The following PCDHA6 variants were observed in gnomAD, a reference collection of about 807,000 sequenced individuals.
The protein encoded by PCDHA6 is protocadherin alpha 6, also known as protocadherin alpha-6.
In PCDHA6, 55 loss-of-function variants were observed where a neutral mutation model predicts 60.3. The ratio of observed to expected loss-of-function variants is 0.91; its 90% CI spans 0.73 to 1.14. The LOEUF is 1.14. Among genes scored for constraint, PCDHA6 ranks in the 50% most tolerant of loss-of-function variants. PCDHA6 has a pLI of 0.00. For missense variants in PCDHA6, 1,327 were observed against 1,256.5 expected, an observed-to-expected ratio of 1.06 and a Z score of -0.85; for synonymous variants, 652 against 557.9, an observed-to-expected ratio of 1.17 and a Z score of -2.38.
intron 1 of PCDHA6, among the ~76,000 whole-genome samples, chr5:140,873,200 T>C (rs1462660228): frequency 6.6e-6 from 1 of 152,228 alleles, no homozygotes; most frequent in Non-Finnish European, 1.5e-5. Context: ...GCTAAAAACA[T>C]TCTTTAAGTA....
intron 1 of PCDHA6, chr5:140,871,648 T>G: frequency 7.8e-7 from 1 of 1,275,766 alleles, no homozygotes. Context: ...AAATACCAAA[T>G]GATACACATC....
chr5:140,852,577 T>G, intron 1 of PCDHA6: 3 of 825,200 alleles, frequency 3.6e-6, no homozygotes, highest in Non-Finnish European at 3.0e-6. Flanking sequence ...TGCCAAGGCT[T>G]TTTTATTTTT....
At chr5:140,842,868 A>T in intron 1 of PCDHA6, 1 of 1,593,968 alleles carries the variant, frequency 6.3e-7, no homozygotes, top group Non-Finnish European at 8.6e-7. Flanking sequence ...GAGAGCGGCA[A>T]GGTGTACGCG....
intron 3 of PCDHA6, among the ~76,000 whole-genome samples, chr5:141,002,329 A>C (rs2098072323): frequency 6.6e-6 from 1 of 152,226 alleles, no homozygotes; most frequent in Non-Finnish European, 1.5e-5. Context: ...GCCGGGCTGC[A>C]TCCGCACCCC....
At chr5:141,006,007 T>C (rs1554260471) in intron 3 of PCDHA6, among the ~76,000 whole-genome samples, 1 of 151,298 alleles carries the variant, frequency 6.6e-6, no homozygotes, top group African/African-American at 2.4e-5. Flanking sequence ...AGAAGGCCTG[T>C]ATGGTTGGAG....
Position 140,829,851 on chromosome 5 carries a change from C to T in PCDHA6, c.1760C>T (p.Ala587Val), listed in dbSNP as rs2150176180. The T allele has an allele frequency of 1.2e-6, 2 of 1,613,942 alleles. No homozygotes were observed. The highest frequency in any genetic ancestry group is 1.7e-6 in the Non-Finnish European group (2 of 1,179,892). ...GAGCTGGTGCCGCGGTCACTGGGTG[C>T]AGGCCAAGTGGTGGCGAAGGTGCGC... ...VSELVPRSLG[A>V]GQVVAKVRAV... The change falls in exon 1 of 4, where the codon GCA (alanine) becomes GTA (valine). Residue 587 changes from alanine (A) to valine (V), a missense_variant. Ala to Val is a moderately conservative substitution (Grantham distance 64). Transcript: ENST00000529310.
chr5:140,875,724 G>T, intron 1 of PCDHA6: 1 of 1,614,244 alleles, frequency 6.2e-7, no homozygotes, highest in Non-Finnish European at 8.5e-7. Flanking sequence ...ATGGCATTTT[G>T]TTTGTGAATT....
chr5:140,828,995 A>G lies in PCDHA6; in HGVS notation c.904A>G (p.Ile302Val), dbSNP rs2150161730. ...TAGCATAGATCGAAATACGGGAGAA[A>G]TAGTGATTCGGGGTAATTTGGATTT... is the stretch of plus-strand genomic sequence containing the variant. ...HFSIDRNTGE[I>V]VIRGNLDFEQ... is the part of the protein sequence containing the mutation. The change falls in exon 1 of 4, where the codon ATA (isoleucine) becomes GTA (valine). Residue 302 changes from isoleucine to valine, a missense_variant. Coordinates refer to ENST00000529310, the MANE Select transcript of PCDHA6 (RefSeq NM_018909.4). The G allele has an allele frequency of 1.2e-6, 2 of 1,614,068 alleles. No individual in the cohort carries two copies. The highest frequency in any genetic ancestry group is 1.7e-6 in the Non-Finnish European group (2 of 1,179,918).
chr5:140,884,198 C>G, intron 1 of PCDHA6: 1 of 1,613,442 alleles, frequency 6.2e-7, no homozygotes, highest in Non-Finnish European at 8.5e-7. Flanking sequence ...GGACGCGCCG[C>G]ACCACCGCCT....
chr5:140,919,821 T>C (rs944662452), intron 1 of PCDHA6, among the ~76,000 whole-genome samples: 1 of 152,230 alleles, frequency 6.6e-6, no homozygotes, highest in Non-Finnish European at 1.5e-5. Flanking sequence ...CAAAAATATA[T>C]GTCCACATAG....
intron 3 of PCDHA6, among the ~76,000 whole-genome samples, chr5:140,992,803 G>A (rs2097529196): frequency 6.6e-6 from 1 of 152,146 alleles, no homozygotes; most frequent in African/African-American, 2.4e-5. Context: ...GGATCCATAT[G>A]TATCTAAGGA....
chr5:140,851,692 A>T, intron 1 of PCDHA6: 1 of 939,600 alleles, frequency 1.1e-6, no homozygotes, highest in Non-Finnish European at 1.3e-6. Flanking sequence ...TCAGTGATAA[A>T]ATGATCAGCC....
At chr5:140,979,820 T>A (rs937223402) in intron 2 of PCDHA6, among the ~76,000 whole-genome samples, 19 of 152,198 alleles carry the variant, frequency 1.2e-4, no homozygotes, top group African/African-American at 4.6e-4. Context: ...AGGATTTAAT[T>A]TTAAAGAAGA....
intron 1 of PCDHA6, among the ~76,000 whole-genome samples, chr5:140,923,177 A>G (rs1325033307): frequency 2.0e-5 from 3 of 152,174 alleles, no homozygotes; most frequent in African/African-American, 7.2e-5. Context: ...TTTTGTTCAG[A>G]TGCATCTACT....
At chr5:140,937,323 C>T (rs1350536354) in intron 1 of PCDHA6, among the ~76,000 whole-genome samples, 3 of 152,120 alleles carry the variant, frequency 2.0e-5, no homozygotes, top group African/African-American at 7.2e-5. Flanking sequence ...AGGCGTGAGC[C>T]ACCGCGCCCG....
chr5:140,928,602 G>A (rs927910920), intron 1 of PCDHA6: 26 of 1,614,058 alleles, frequency 1.6e-5, no homozygotes, highest in Non-Finnish European at 2.2e-5. Context: ...TGGAAATTGT[G>A]CCCCGCTCTG....
At chr5:141,000,389 CTCTCTCTATA>C (rs1363755181) in intron 3 of PCDHA6, among the ~76,000 whole-genome samples, 150 of 62,510 alleles carry the variant, frequency 2.4e-3, no homozygotes, top group African/African-American at 5.3e-3. Context: ...CTCTCTCTCT[CTCTCTCTATA>C]TATATATATA....
At chr5:140,977,865 G>C (rs2096778412) in intron 1 of PCDHA6, among the ~76,000 whole-genome samples, 4 of 152,172 alleles carry the variant, frequency 2.6e-5, no homozygotes, top group Non-Finnish European at 5.9e-5. Flanking sequence ...ACCAAATATG[G>C]TAAGTATAAT....
chr5:140,972,130 TTAC>T (rs1424151392), intron 1 of PCDHA6, among the ~76,000 whole-genome samples: 1 of 152,022 alleles, frequency 6.6e-6, no homozygotes, highest in Non-Finnish European at 1.5e-5. Flanking sequence ...TATCAGTGAG[TTAC>T]TACTATTTTT....
Sources: gnomAD v4.1 joint callset for allele counts (sites outside exome capture counted in the v4.1 genomes callset) on GRCh38, gnomAD v4.1.1 for gene constraint, MANE v1.5 for transcripts, NCBI Gene and HGNC (gene_info 2026-07-23, HGNC 2026-07-21) for gene names.